The following NMRK2 variants were observed in gnomAD, a reference collection of about 807,000 sequenced individuals.
The protein encoded by NMRK2 is nicotinamide riboside kinase 2, also known as NRK 2.
A neutral mutation model predicts 24.7 loss-of-function variants in NMRK2; 34 were observed. The ratio of observed to expected loss-of-function variants is 1.37; its 90% confidence interval spans 1.05 to 1.83. The LOEUF (loss-of-function observed/expected upper bound fraction) is 1.83. Ranked by LOEUF, NMRK2 falls within the 40% of genes most tolerant of loss-of-function variation. The pLI, the probability that NMRK2 is intolerant of heterozygous loss-of-function variation, is 0.00. For synonymous variants in NMRK2, 145 were observed against 125.6 expected, an observed-to-expected ratio of 1.15 and a Z score of -1.03; for missense variants, 341 against 315.0, an observed-to-expected ratio of 1.08 and a Z score of -0.62.
intron 2 of NMRK2, among the ~76,000 whole-genome samples, chr19:3,934,110 C>G (rs1252930242): frequency 6.6e-6 from 1 of 151,950 alleles, no homozygotes; most frequent in Non-Finnish European, 1.5e-5. Flanking sequence ...TAGCTGGGCA[C>G]GGTGGTGCAT....
At chr19:3,934,358 G>C (rs1189245615) in intron 2 of NMRK2, among the ~76,000 whole-genome samples, 1 of 152,070 alleles carries the variant, frequency 6.6e-6, no homozygotes, top group Non-Finnish European at 1.5e-5. Flanking sequence ...GGTGGGATGG[G>C]GTCCCCAAAA....
chr19:3,933,784 A>G, intron 2 of NMRK2, 87 bp downstream of exon 2: 1 of 1,280,876 alleles, frequency 7.8e-7, no homozygotes, highest in Non-Finnish European at 1.0e-6. Context: ...GAATGGAGGG[A>G]TGCCTGGCGC....
chr19:3,942,196 G>T lies in NMRK2; in HGVS notation c.616G>T (p.Ala206Ser), dbSNP rs1009334959. 9.3e-6 allele frequency: 15 copies of T among 1,613,062 alleles called. No homozygotes were observed. Among genetic ancestry groups the T allele is most frequent in the Non-Finnish European group, 1.2e-5 (14 of 1,180,004 alleles). ...ATCAGCCCCCTCCCCGGCTCGCCCA[G>T]CCAGGACACAGGGACCCGGACGCGG... ...QESAPSPARP[A>S]RTQGPGRGCG... Residue 206 changes from alanine (A) to serine (S), a missense_variant, in exon 8 of 8, where the codon GCC becomes TCC. Ala to Ser is a moderately conservative substitution (Grantham distance 99). Coordinates refer to ENST00000168977, the MANE Select transcript of NMRK2 (RefSeq NM_170678.3).
In NMRK2 at chr19:3,938,669, AG is replaced by A. The variant is rs780969332; in HGVS notation, c.234del (p.Lys78AsnfsTer43). The A allele has an allele frequency of 6.2e-7, 1 of 1,612,732 alleles. No homozygotes were observed. ...TVQAWLSSPQ[K>X]FARAHGVSVQ... The stretch of plus-strand genomic sequence containing the variant: ...CAGGCCTGGCTGAGCAGCCCGCAGA[AG>A]TTTGCCCGTGCCCACGGGGTCAGCG... On this transcript the variant is annotated frameshift_variant, in exon 5 of 8. Transcript: ENST00000168977. LOFTEE classifies it high-confidence loss of function.
Position 3,942,241 on chromosome 19 carries a change from A to T in NMRK2, c.661A>T (p.Arg221Trp), listed in dbSNP as rs758619042. Reference protein sequence around the residue: ...PGRGCGHRTARPAASQQDSM With the variant: ...PGRGCGHRTAWPAASQQDSM Reference sequence around the variant, plus strand: ...ACGCGGATGCGGCCACAGAACGGCCAGGCCTGCAGCGTCCCAGCAGGACAG... The same window carrying T: ...ACGCGGATGCGGCCACAGAACGGCCTGGCCTGCAGCGTCCCAGCAGGACAG... The change falls in exon 8 of 8, where the codon AGG becomes TGG. Residue 221 changes from arginine (R) to tryptophan (W), a missense_variant. Arg to Trp is a moderately radical substitution (Grantham distance 101). Coordinates refer to ENST00000168977, the MANE Select transcript of NMRK2 (RefSeq NM_170678.3). 6.2e-6 allele frequency: 10 copies of T among 1,611,964 alleles called. No homozygotes were observed. The South Asian group carries it at 9.9e-5, about 16-fold the overall frequency.
intron 2 of NMRK2, among the ~76,000 whole-genome samples, chr19:3,935,898 C>CT (rs1389726005): frequency 6.6e-6 from 1 of 151,320 alleles, no homozygotes; most frequent in Non-Finnish European, 1.5e-5. Flanking sequence ...TTAAGCCCTG[C>CT]TGAGACTAAA....
At chr19:3,936,145 AGG>A (rs1239565263) in intron 2 of NMRK2, among the ~76,000 whole-genome samples, 3 of 151,948 alleles carry the variant, frequency 2.0e-5, no homozygotes, top group Non-Finnish European at 4.4e-5. Flanking sequence ...TGGGAGGCAG[AGG>A]TTGCAGTGAG....
intron 6 of NMRK2, 130 bp downstream of exon 6, chr19:3,940,101 C>T: frequency 1.3e-6 from 1 of 757,960 alleles, no homozygotes; most frequent in South Asian, 1.7e-5. Flanking sequence ...AATCCCAGCA[C>T]TTCCGGAGGC....
At chr19:3,937,083 G>T in intron 3 of NMRK2, 157 bp from the exon 4 acceptor site, 1 of 691,764 alleles carries the variant, frequency 1.4e-6, no homozygotes, top group Non-Finnish European at 2.6e-6. Flanking sequence ...CTAATGAGAT[G>T]ATTGATGGTC....
intron 2 of NMRK2, among the ~76,000 whole-genome samples, chr19:3,936,337 G>C (rs557469296): frequency 6.6e-6 from 1 of 152,302 alleles, no homozygotes; most frequent in African/African-American, 2.4e-5. Flanking sequence ...GAACCCGGGA[G>C]GTAGAGCTTG....
Position 3,933,558 on chromosome 19 carries a change from T to G in NMRK2, c.-114T>G, listed in dbSNP as rs945740507. ...GGGCGGCCTCCAGGCTGCCGAGACCTATAAAGGCGCCAGGTTTTCTCAATG... is the reference window on the plus strand; with the variant it reads ...GGGCGGCCTCCAGGCTGCCGAGACCGATAAAGGCGCCAGGTTTTCTCAATG... On this transcript the variant is annotated 5_prime_UTR_variant, in exon 2 of 8. Transcript: ENST00000168977. 16 of 1,330,782 alleles carry G rather than the reference T, an allele frequency of 1.2e-5. No homozygotes were observed. The highest frequency in any genetic ancestry group is 1.6e-5 in the Non-Finnish European group (16 of 987,220). The allele number at this position is 1,330,782 out of a possible 1,614,324, so 82.4% of individuals were successfully genotyped here.
intron 6 of NMRK2, 109 bp from the exon 7 acceptor site, chr19:3,940,962 C>G: frequency 1.5e-6 from 1 of 688,672 alleles, no homozygotes. Context: ...GGTCCCCTTG[C>G]TCAGAGGTTC....
chr19:3,936,534 G>C (rs565276519), intron 2 of NMRK2, 41 bp from the exon 3 acceptor site: 12 of 1,467,084 alleles, frequency 8.2e-6, no homozygotes, highest in Admixed American at 4.3e-5. Context: ...GACCTTCTTG[G>C]GGGGAGCCCA....
chr19:3,935,478 A>T (rs1408051441), intron 2 of NMRK2, among the ~76,000 whole-genome samples: 1 of 151,286 alleles, frequency 6.6e-6, no homozygotes, highest in African/African-American at 2.4e-5. Context: ...CTGATCGCAA[A>T]CTCCTGACCT....
At chr19:3,940,064 G>T in intron 6 of NMRK2, 93 bp downstream of exon 6, 1 of 1,116,404 alleles carries the variant, frequency 9.0e-7, no homozygotes, top group Non-Finnish European at 1.3e-6. Flanking sequence ...ATGCCACTGG[G>T]GGCTGGGCAC....
chr19:3,941,225 A>T, intron 7 of NMRK2, 48 bp downstream of exon 7: 2 of 892,186 alleles, frequency 2.2e-6, no homozygotes, highest in Non-Finnish European at 3.5e-6. Context: ...GGCGGGGGGG[A>T]CCCTGGGCCC....
At chr19:3,938,829 T>TTTTTG in intron 5 of NMRK2, 70 bp downstream of exon 5, 1 of 569,664 alleles carries the variant, frequency 1.8e-6, no homozygotes, top group Non-Finnish European at 2.3e-6. Context: ...CTTGTTTTTT[T>TTTTTG]TTTTTTTTTT....
Position 3,942,331 on chromosome 19 carries a change from G to A in NMRK2, c.*58G>A. On this transcript the variant is annotated 3_prime_UTR_variant, in exon 8 of 8. Coordinates refer to ENST00000168977, the MANE Select transcript of NMRK2 (RefSeq NM_170678.3). ...GAGTGGAGGCCCCACTCCCAGTTGG[G>A]CGTCCCGGAGCTCAGGGACTGAGCC... 6.7e-7 allele frequency: 1 copy of A among 1,489,420 alleles called. No individual in the cohort carries two copies. The highest frequency in any genetic ancestry group is 9.1e-7 in the Non-Finnish European group (1 of 1,103,758). The allele number at this position is 1,489,420 out of a possible 1,614,324, so 92.3% of individuals were successfully genotyped here.
At chr19:3,939,995 G>T (rs759589757) in intron 6 of NMRK2, 24 bp downstream of exon 6, 1 of 1,604,766 alleles carries the variant, frequency 6.2e-7, no homozygotes, top group East Asian at 2.2e-5. Flanking sequence ...CTGGGGGTGC[G>T]GTGGGCTCCT....
Sources: allele counts gnomAD v4.1 joint callset (sites outside exome capture counted in the v4.1 genomes callset), GRCh38; gene constraint gnomAD v4.1.1; transcripts MANE v1.5; gene names NCBI Gene and HGNC (gene_info 2026-07-23, HGNC 2026-07-21).